Variants in SASS6 observed in about 807,000 individuals in gnomAD.
SASS6 encodes spindle assembly abnormal protein 6 homolog.
A neutral mutation model predicts 94.9 loss-of-function variants in SASS6; 59 were observed. The observed-to-expected ratio is 0.62, with a 90% CI of 0.50 to 0.77. SASS6 has a LOEUF of 0.77. SASS6 is among the 30% of genes least tolerant of loss of function. The pLI, the probability that SASS6 is intolerant of heterozygous loss-of-function variation, is 0.00. For synonymous variants in SASS6, 264 were observed against 270.0 expected, an observed-to-expected ratio of 0.98 and a Z score of 0.22; for missense variants, 698 against 734.1, an observed-to-expected ratio of 0.95 and a Z score of 0.57.
intron 3 of SASS6, 108 bp from the exon 4 acceptor site, chr1:100,122,592 A>T: frequency 4.5e-6 from 2 of 446,034 alleles, no homozygotes; most frequent in East Asian, 7.9e-5. Flanking sequence ...TCACTCCATC[A>T]CCCAGGCTGG....
chr1:100,125,222 A>AGTGTGT lies in SASS6; in HGVS notation c.126+654_126+659dup, dbSNP rs59388922. 8.8e-3 allele frequency among the ~76,000 whole-genome samples: 1,269 copies of AGTGTGT among 143,708 alleles called. 15 individuals are homozygous for AGTGTGT. The highest frequency in any genetic ancestry group is 0.029 in the African/African-American group (1,117 of 39,092). 94.3% of individuals were successfully genotyped at this position (143,708 alleles called of 152,430 possible). A position where few individuals can be genotyped will look rare whatever the true frequency, so the allele number is the denominator to read the frequency against. ...TGAAATGCCAATTCTACAAGGCAGCAGTGTGTGTGTGTGTGTGTGTGTGTG... is the reference window on the plus strand; with the variant it reads ...TGAAATGCCAATTCTACAAGGCAGCAGTGTGTGTGTGTGTGTGTGTGTGTGTGTGTG... On this transcript the variant is annotated intron_variant, in intron 2 of 16. Coordinates refer to ENST00000287482, the MANE Select transcript of SASS6 (RefSeq NM_194292.3).
Position 100,085,336 on chromosome 1 carries a change from T to G in SASS6, c.1966A>C (p.Asn656His), listed in dbSNP as rs1192946335. Residue 656 changes from asparagine (N) to histidine (H), a missense_variant, in exon 17 of 17, where the codon AAC becomes CAC. Transcript: ENST00000287482. ...AAAACATGACACTAGAATTAACTGT[T>G]TGGTAACTGCCCAGGGAAATAGGCT... Reference protein sequence around the residue: ...SSAYFPGQLPNS With the variant: ...SSAYFPGQLPHS The G allele has an allele frequency of 6.2e-7, 1 of 1,604,356 alleles. No individual in the cohort carries two copies. Among genetic ancestry groups the G allele is most frequent in the Admixed American group, 1.7e-5 (1 of 59,994 alleles).
intron 6 of SASS6, 82 bp downstream of exon 6, chr1:100,120,312 T>C (rs1307976230): frequency 4.3e-6 from 3 of 696,954 alleles, no homozygotes; most frequent in African/African-American, 1.8e-5. Context: ...AGAAAATACA[T>C]AAAAGCTTGG....
chr1:100,122,600 TGGAGTG>T (rs1485740383), intron 3 of SASS6, 116 bp from the exon 4 acceptor site: 3 of 426,190 alleles, frequency 7.0e-6, no homozygotes, highest in Non-Finnish European at 1.2e-5. Context: ...TCACCCAGGC[TGGAGTG>T]CAGTGGTGCA....
At chr1:100,110,200 G>C (rs1454130437) in intron 8 of SASS6, 92 bp downstream of exon 8, 1 of 672,598 alleles carries the variant, frequency 1.5e-6, no homozygotes, top group Non-Finnish European at 2.4e-6. Context: ...AGAGCATCCA[G>C]AGGAACACCA....
At chr1:100,124,205 A>C (rs545258798) in intron 2 of SASS6, among the ~76,000 whole-genome samples, 1 of 152,334 alleles carries the variant, frequency 6.6e-6, no homozygotes, top group Admixed American at 6.5e-5. Flanking sequence ...TCTACTCTGG[A>C]AAATTAGTAA....
chr1:100,088,887 A>G (rs1466327416), intron 14 of SASS6, among the ~76,000 whole-genome samples: 1 of 152,018 alleles, frequency 6.6e-6, no homozygotes, highest in African/African-American at 2.4e-5. Flanking sequence ...AATCCAGACA[A>G]TCAACAATGT....
chr1:100,110,642 G>A (rs952724952), intron 7 of SASS6, among the ~76,000 whole-genome samples, 159 bp from the exon 8 acceptor site: 1 of 150,902 alleles, frequency 6.6e-6, no homozygotes, highest in African/African-American at 2.4e-5. Context: ...TTCTGAAAAG[G>A]GTCTATTTTC....
At chr1:100,119,525 A>G (rs1330917169) in intron 6 of SASS6, among the ~76,000 whole-genome samples, 1 of 152,226 alleles carries the variant, frequency 6.6e-6, no homozygotes, top group South Asian at 2.1e-4. Flanking sequence ...GAGGCCATGC[A>G]GATTATCAGA....
intron 7 of SASS6, among the ~76,000 whole-genome samples, chr1:100,112,620 T>C (rs1162485275): frequency 1.3e-5 from 2 of 152,192 alleles, no homozygotes; most frequent in Non-Finnish European, 2.9e-5. Flanking sequence ...GTGACAAATA[T>C]AGATAATACA....
intron 7 of SASS6, among the ~76,000 whole-genome samples, chr1:100,118,671 A>G (rs1653954917): frequency 6.6e-6 from 1 of 152,246 alleles, no homozygotes; most frequent in African/African-American, 2.4e-5. Context: ...GAAGAAAGTT[A>G]CAATCAATAT....
chr1:100,121,070 AG>A (rs1202594874), intron 5 of SASS6, among the ~76,000 whole-genome samples: 58 of 151,124 alleles, frequency 3.8e-4, no homozygotes, highest in Non-Finnish European at 7.5e-4. Context: ...AAAAAAAAAA[AG>A]ATGGGCTAGA....
At chr1:100,093,590 G>C (rs533570017) in intron 14 of SASS6, among the ~76,000 whole-genome samples, 60 of 152,034 alleles carry the variant, frequency 3.9e-4, no homozygotes, top group Admixed American at 1.0e-3. Context: ...GCAAAACCCT[G>C]TCTCTACAAA....
intron 6 of SASS6, 104 bp downstream of exon 6, chr1:100,120,290 G>A: frequency 1.6e-6 from 1 of 643,256 alleles, no homozygotes; most frequent in Admixed American, 2.6e-5. Context: ...TTCAACGGAA[G>A]CATGCTTTGA....
chr1:100,132,646 C>T, intron 1 of SASS6, 104 bp downstream of exon 1: 1 of 958,516 alleles, frequency 1.0e-6, no homozygotes, highest in African/African-American at 1.6e-5. Flanking sequence ...GGGGCCGACT[C>T]GACACCTAGG....
Position 100,085,085 on chromosome 1 carries a change from A to G in SASS6, c.*243T>C. 2.3e-6 allele frequency: 1 copy of G among 428,008 alleles called. No homozygotes were observed. Among genetic ancestry groups the G allele is most frequent in the Non-Finnish European group, 4.2e-6 (1 of 237,974 alleles). 26.5% of individuals were successfully genotyped at this position (428,008 alleles called of 1,614,324 possible). On this transcript the variant is annotated 3_prime_UTR_variant, in exon 17 of 17. Coordinates refer to ENST00000287482, the MANE Select transcript of SASS6 (RefSeq NM_194292.3). Reference sequence around the variant, plus strand: ...AGAATAGCTTAATAAAATTCATATTATTCTATAAAACGCCATGTTCACAAA... The same window carrying G: ...AGAATAGCTTAATAAAATTCATATTGTTCTATAAAACGCCATGTTCACAAA...
intron 6 of SASS6, 41 bp downstream of exon 6, chr1:100,120,353 T>C (rs1409602825): frequency 4.2e-6 from 4 of 958,108 alleles, no homozygotes; most frequent in Non-Finnish European, 6.8e-6. Flanking sequence ...TCAGTGCCAA[T>C]GTCTGGATGA....
intron 2 of SASS6, among the ~76,000 whole-genome samples, 173 bp downstream of exon 2, chr1:100,125,709 T>A (rs569946671): frequency 6.6e-6 from 1 of 150,738 alleles, no homozygotes; most frequent in Non-Finnish European, 1.5e-5. Context: ...AGTATAATTA[T>A]CCTTCAGTTG....
intron 1 of SASS6, among the ~76,000 whole-genome samples, chr1:100,129,156 A>C (rs1196824505): frequency 6.6e-6 from 1 of 152,098 alleles, no homozygotes; most frequent in African/African-American, 2.4e-5. Flanking sequence ...AGGAGAGCTT[A>C]AGACCAAGAG....
Sources: allele counts gnomAD v4.1 joint callset (sites outside exome capture counted in the v4.1 genomes callset), GRCh38; gene constraint gnomAD v4.1.1; transcripts MANE v1.5; gene names NCBI Gene and HGNC (gene_info 2026-07-23, HGNC 2026-07-21).